Variants in KANK4 observed in about 807,000 individuals in gnomAD.
The protein encoded by KANK4 is KN motif and ankyrin repeat domains 4.
A neutral mutation model predicts 80.8 loss-of-function variants in KANK4; 50 were observed. The observed-to-expected ratio is 0.62, with a 90% CI of 0.49 to 0.78. The LOEUF is 0.78. Among genes scored for constraint, KANK4 ranks in the 30% least tolerant of loss-of-function variants. KANK4 has a pLI of 0.00. For synonymous variants in KANK4, 465 were observed against 506.9 expected, an observed-to-expected ratio of 0.92 and a Z score of 1.11; for missense variants, 1,196 against 1,240.1, an observed-to-expected ratio of 0.96 and a Z score of 0.53.
intron 1 of KANK4, among the ~76,000 whole-genome samples, chr1:62,304,048 A>AT (rs1266442826): frequency 6.6e-6 from 1 of 151,504 alleles, no homozygotes; most frequent in African/African-American, 2.4e-5. Flanking sequence ...TAATTTTTGT[A>AT]TTTTTTGGTA....
chr1:62,277,409 C>A (rs906657296), intron 2 of KANK4, among the ~76,000 whole-genome samples: 14 of 152,134 alleles, frequency 9.2e-5, no homozygotes, highest in African/African-American at 2.2e-4. Flanking sequence ...ATTCCTACCC[C>A]CTTTGGACAA....
intron 1 of KANK4, among the ~76,000 whole-genome samples, chr1:62,308,836 A>G (rs1179819541): frequency 2.6e-5 from 4 of 152,184 alleles, no homozygotes; most frequent in Non-Finnish European, 4.4e-5. Context: ...AGAAAGGCAG[A>G]TTCCTAAGTC....
intron 8 of KANK4, 87 bp from the exon 9 acceptor site, chr1:62,247,759 T>C: frequency 1.9e-6 from 2 of 1,053,090 alleles, no homozygotes; most frequent in Non-Finnish European, 1.4e-6. Flanking sequence ...ATCAGAGACT[T>C]CTCAATACCA....
intron 7 of KANK4, among the ~76,000 whole-genome samples, chr1:62,256,904 A>G (rs189692127): frequency 6.7e-6 from 1 of 149,878 alleles, no homozygotes; most frequent in East Asian, 1.9e-4. Context: ...TACCTTATTA[A>G]TAACTTTATT....
intron 1 of KANK4, among the ~76,000 whole-genome samples, chr1:62,315,965 C>T (rs1049829715): frequency 3.9e-5 from 6 of 152,204 alleles, no homozygotes; most frequent in African/African-American, 1.4e-4. Flanking sequence ...AGGCTCAATG[C>T]AGTTTCAAAG....
chr1:62,264,745 A>G (rs3844053), intron 6 of KANK4, among the ~76,000 whole-genome samples: 45,839 of 152,162 alleles, frequency 0.3, 7,919 homozygotes, highest in East Asian at 0.7. Context: ...TCCTTTATCC[A>G]TGGGATCTTC....
At chr1:62,248,719 G>A (rs984106614) in intron 8 of KANK4, among the ~76,000 whole-genome samples, 1 of 151,190 alleles carries the variant, frequency 6.6e-6, no homozygotes, top group Admixed American at 6.6e-5. Flanking sequence ...TAATTTTTGT[G>A]TTTTTATTAG....
intron 1 of KANK4, among the ~76,000 whole-genome samples, chr1:62,312,435 T>C (rs1278662998): frequency 6.6e-6 from 1 of 152,248 alleles, no homozygotes; most frequent in Admixed American, 6.5e-5. Context: ...CTGAATTCTA[T>C]ACGGGAACCC....
intron 1 of KANK4, among the ~76,000 whole-genome samples, chr1:62,294,078 A>C (rs1396895892): frequency 6.6e-6 from 1 of 152,218 alleles, no homozygotes; most frequent in Non-Finnish European, 1.5e-5. Context: ...ATTAATTTAC[A>C]TTACTTATAA....
intron 6 of KANK4, 197 bp from the exon 7 acceptor site, chr1:62,263,508 T>C (rs1230548644): frequency 6.9e-6 from 4 of 575,568 alleles, no homozygotes; most frequent in Non-Finnish European, 1.2e-5. Context: ...CAGCCCCCTC[T>C]GGGAGTGGAA....
At chr1:62,252,314 C>T (rs1360339430) in intron 8 of KANK4, among the ~76,000 whole-genome samples, 1 of 152,252 alleles carries the variant, frequency 6.6e-6, no homozygotes, top group Non-Finnish European at 1.5e-5. Flanking sequence ...GCAACTGCTG[C>T]TCCCAGCCTG....
At chr1:62,245,911 G>A (rs1671454146) in intron 9 of KANK4, among the ~76,000 whole-genome samples, 1 of 152,182 alleles carries the variant, frequency 6.6e-6, no homozygotes, top group African/African-American at 2.4e-5. Context: ...CTAGGTGTGG[G>A]AGCCAGAGAC....
intron 6 of KANK4, among the ~76,000 whole-genome samples, chr1:62,266,228 C>T (rs1363621909): frequency 6.6e-6 from 1 of 152,166 alleles, no homozygotes; most frequent in Non-Finnish European, 1.5e-5. Flanking sequence ...TCAGTGTGAC[C>T]CATCACTTCA....
intron 6 of KANK4, among the ~76,000 whole-genome samples, chr1:62,266,415 G>A (rs947194248): frequency 5.4e-5 from 8 of 147,656 alleles, no homozygotes; most frequent in East Asian, 2.0e-4. Flanking sequence ...ACTGTGCACC[G>A]TACGCTCACA....
At chr1:62,288,010 G>C (rs1243616928) in intron 1 of KANK4, among the ~76,000 whole-genome samples, 1 of 152,044 alleles carries the variant, frequency 6.6e-6, no homozygotes, top group Non-Finnish European at 1.5e-5. Context: ...TTCTAAACTG[G>C]CTAGAGAACA....
At chr1:62,302,926 G>C (rs1475243917) in intron 1 of KANK4, among the ~76,000 whole-genome samples, 2 of 152,120 alleles carry the variant, frequency 1.3e-5, no homozygotes, top group Non-Finnish European at 2.9e-5. Context: ...CAAAGGGCCA[G>C]TCTGCTAGAG....
At chr1:62,314,403 T>A in intron 1 of KANK4, among the ~76,000 whole-genome samples, 1 of 152,150 alleles carries the variant, frequency 6.6e-6, no homozygotes, top group East Asian at 1.9e-4. Context: ...ACCGATGAAC[T>A]GAGCGCAGCG....
intron 8 of KANK4, among the ~76,000 whole-genome samples, chr1:62,250,007 A>T (rs572583685): frequency 6.6e-6 from 1 of 151,366 alleles, no homozygotes; most frequent in Non-Finnish European, 1.5e-5. Flanking sequence ...TTTTTTTGAG[A>T]TGGAGTCTCG....
chr1:62,257,168 A>G (rs542700695), intron 7 of KANK4, among the ~76,000 whole-genome samples: 56 of 150,062 alleles, frequency 3.7e-4, no homozygotes, highest in South Asian at 8.5e-4. Flanking sequence ...GCTCACTGTA[A>G]CCTCCGCCTC....
Sources: allele counts gnomAD v4.1 joint callset (sites outside exome capture counted in the v4.1 genomes callset), GRCh38; gene constraint gnomAD v4.1.1; transcripts MANE v1.5; gene names NCBI Gene and HGNC (gene_info 2026-07-23, HGNC 2026-07-21).